The following LRP1B variants were observed in gnomAD, a reference collection of about 807,000 sequenced individuals.
LRP1B encodes LDL receptor related protein 1B.
In LRP1B, 217 loss-of-function variants were observed where a neutral mutation model predicts 556.6. The observed-to-expected ratio is 0.39, with a 90% CI of 0.35 to 0.44. The LOEUF (loss-of-function observed/expected upper bound fraction) is 0.44. Among genes scored for constraint, LRP1B ranks in the 20% least tolerant of loss-of-function variants. The pLI is 1.00. For synonymous variants in LRP1B, 2,047 were observed against 1,865.8 expected, an observed-to-expected ratio of 1.10 and a Z score of -2.50; for missense variants, 5,053 against 5,620.8, an observed-to-expected ratio of 0.90 and a Z score of 3.23.
chr2:141,788,548 ATACTTT>A (rs1325808507), intron 2 of LRP1B, among the ~76,000 whole-genome samples: 1 of 151,940 alleles, frequency 6.6e-6, no homozygotes, highest in African/African-American at 2.4e-5. Context: ...TATTTTTATT[ATACTTT>A]AAGTTTTAGG....
chr2:140,941,130 A>C (rs1695388574), intron 20 of LRP1B, among the ~76,000 whole-genome samples: 1 of 152,192 alleles, frequency 6.6e-6, no homozygotes, highest in Admixed American at 6.6e-5. Flanking sequence ...TGACATTAAG[A>C]GAAAAAAAGC....
At chr2:142,117,341 C>T (rs1421269687) in intron 1 of LRP1B, among the ~76,000 whole-genome samples, 1 of 152,128 alleles carries the variant, frequency 6.6e-6, no homozygotes, top group Non-Finnish European at 1.5e-5. Context: ...GACAGAAATG[C>T]AGGATTCATC....
At chr2:140,423,546 TAAAAA>T (rs1166836807) in intron 66 of LRP1B, among the ~76,000 whole-genome samples, 2 of 152,062 alleles carry the variant, frequency 1.3e-5, no homozygotes, top group African/African-American at 4.8e-5. Flanking sequence ...TCATCCAAAT[TAAAAA>T]GAATAATTTA....
At chr2:140,727,559 G>T (rs1044868298) in intron 35 of LRP1B, among the ~76,000 whole-genome samples, 1 of 152,160 alleles carries the variant, frequency 6.6e-6, no homozygotes, top group African/African-American at 2.4e-5. Context: ...AGACTGGGTA[G>T]CATTTGGATT....
At chr2:140,640,227 G>A (rs1448798342) in intron 41 of LRP1B, among the ~76,000 whole-genome samples, 2 of 149,660 alleles carry the variant, frequency 1.3e-5, no homozygotes, top group Non-Finnish European at 3.0e-5. Flanking sequence ...CTCCTGACTC[G>A]TGATCCACCC....
intron 32 of LRP1B, among the ~76,000 whole-genome samples, chr2:140,803,680 C>A (rs1473398385): frequency 6.6e-6 from 1 of 151,840 alleles, no homozygotes; most frequent in Non-Finnish European, 1.5e-5. Flanking sequence ...TAAACACAGA[C>A]CTGCACTGAT....
chr2:141,641,467 G>A (rs1031829283), intron 2 of LRP1B, among the ~76,000 whole-genome samples: 1 of 152,100 alleles, frequency 6.6e-6, no homozygotes, highest in Non-Finnish European at 1.5e-5. Flanking sequence ...TATATAGTTT[G>A]TGTTTTAGAT....
chr2:142,059,235 C>A (rs931490193), intron 1 of LRP1B, among the ~76,000 whole-genome samples: 16 of 151,958 alleles, frequency 1.1e-4, no homozygotes, highest in Admixed American at 5.3e-4. Context: ...AATGGTTACA[C>A]CACTCTGTAA....
In LRP1B at chr2:140,356,508, T is replaced by A. The variant is rs769513655; in HGVS notation, c.11396-32A>T. The A allele has an allele frequency of 5.4e-6, 8 of 1,484,278 alleles. No individual in the cohort carries two copies. In the South Asian group the frequency reaches 8.5e-5, roughly 16 times the overall value. The allele number at this position is 1,484,278 out of a possible 1,614,324, so 91.9% of individuals were successfully genotyped here. ...TTTAAAAATATGATCAAAACTAATA[T>A]AATTCTAATTCCTGAAGTGGGGAGT... On this transcript the variant is annotated intron_variant, in intron 74 of 90. Coordinates refer to ENST00000389484, the MANE Select transcript of LRP1B (RefSeq NM_018557.3).
intron 1 of LRP1B, among the ~76,000 whole-genome samples, chr2:141,925,596 GT>G (rs1408460147): frequency 2.6e-5 from 4 of 152,196 alleles, no homozygotes; most frequent in African/African-American, 9.7e-5. Flanking sequence ...AATGACCCTG[GT>G]TGAAACCAGC....
intron 5 of LRP1B, among the ~76,000 whole-genome samples, chr2:141,236,245 A>G (rs1164148542): frequency 6.6e-6 from 1 of 152,186 alleles, no homozygotes; most frequent in Non-Finnish European, 1.5e-5. Context: ...ATTGTGGAAT[A>G]GTTAAACCTA....
chr2:141,819,576 A>T (rs370064855), intron 1 of LRP1B, among the ~76,000 whole-genome samples: 1 of 152,200 alleles, frequency 6.6e-6, no homozygotes, highest in African/African-American at 2.4e-5. Context: ...AGTGGAACAG[A>T]GGATACTAGG....
intron 2 of LRP1B, among the ~76,000 whole-genome samples, chr2:141,530,196 G>T (rs1559123631): frequency 6.6e-6 from 1 of 152,134 alleles, no homozygotes; most frequent in Non-Finnish European, 1.5e-5. Flanking sequence ...AGTGGTGGCT[G>T]CTGGTATAGG....
intron 1 of LRP1B, among the ~76,000 whole-genome samples, chr2:141,918,906 G>T (rs148201997): frequency 6.6e-6 from 1 of 152,048 alleles, no homozygotes; most frequent in Non-Finnish European, 1.5e-5. Context: ...ACTCTAATGA[G>T]ACTGTCACCC....
intron 3 of LRP1B, among the ~76,000 whole-genome samples, chr2:141,427,499 T>C (rs1017104825): frequency 6.6e-6 from 1 of 152,220 alleles, no homozygotes; most frequent in African/African-American, 2.4e-5. Context: ...TTGATTTAAT[T>C]ATCAATATTT....
chr2:140,892,403 T>C (rs1693824043), intron 23 of LRP1B, among the ~76,000 whole-genome samples: 1 of 152,142 alleles, frequency 6.6e-6, no homozygotes, highest in African/African-American at 2.4e-5. Context: ...AATAGGAGAA[T>C]GACCAAAGGA....
chr2:140,679,246 C>T (rs1685779035), intron 41 of LRP1B, among the ~76,000 whole-genome samples: 1 of 152,170 alleles, frequency 6.6e-6, no homozygotes, highest in Non-Finnish European at 1.5e-5. Context: ...TTGCTAAAGG[C>T]CCTATTTCCA....
intron 17 of LRP1B, among the ~76,000 whole-genome samples, chr2:140,982,707 C>T (rs59716025): frequency 0.015 from 2,258 of 152,236 alleles, 57 homozygotes; most frequent in African/African-American, 0.05. Context: ...TATTTGGAGA[C>T]GATCTCAGGA....
chr2:141,841,500 T>G (rs1012018377), intron 1 of LRP1B, among the ~76,000 whole-genome samples: 3 of 152,218 alleles, frequency 2.0e-5, no homozygotes, highest in Non-Finnish European at 4.4e-5. Context: ...TGGATCTGAA[T>G]AAATGTCCTC....
Sources: gnomAD v4.1 joint callset for allele counts (sites outside exome capture counted in the v4.1 genomes callset) on GRCh38, gnomAD v4.1.1 for gene constraint, MANE v1.5 for transcripts, NCBI Gene and HGNC (gene_info 2026-07-23, HGNC 2026-07-21) for gene names.